The following ZMYND12 variants were observed in gnomAD, a reference collection of about 807,000 sequenced individuals.
The protein encoded by ZMYND12 is zinc finger MYND-type containing 12, also known as zinc finger MYND domain-containing protein 12.
ZMYND12 carries 32 observed loss-of-function variants against 41.7 expected under a neutral mutation model. The observed-to-expected ratio is 0.77, with a 90% CI of 0.58 to 1.03. The LOEUF (loss-of-function observed/expected upper bound fraction) is 1.03. ZMYND12 is among the 50% of genes least tolerant of loss of function. The probability of loss-of-function intolerance (pLI) is 0.00; values close to 1 mark genes in which losing one functional copy is unlikely to be tolerated. For synonymous variants in ZMYND12, 148 were observed against 164.8 expected (o/e 0.90, Z 0.78); for missense variants, 424 against 438.5 (o/e 0.97, Z 0.30).
At chr1:42,431,011 T>A (rs1642843137) in intron 7 of ZMYND12, among the ~76,000 whole-genome samples, 153 bp from the exon 8 acceptor site, 1 of 152,226 alleles carries the variant, frequency 6.6e-6, no homozygotes, top group African/African-American at 2.4e-5. Context: ...GTAAACACAC[T>A]GGGCCCTTAC....
rs113352115 is a variant in ZMYND12, at chr1:42,435,479, T to C, written c.718-94A>G. The C allele has an allele frequency of 1.7e-3, 1,599 of 922,442 alleles. 13 individuals are homozygous for C. In the African/African-American group the frequency reaches 0.022, roughly 13 times the overall value. The allele number at this position is 922,442 out of a possible 1,614,324, so 57.1% of individuals were successfully genotyped here. A position where few individuals can be genotyped will look rare whatever the true frequency, so the allele number is the denominator to read the frequency against. ...AGAGTAGCGCATTTGGCCGGGCTTC[T>C]GGACAACCTGGAGGTTCTCTCTCTT... is the stretch of plus-strand genomic sequence containing the variant. On this transcript the variant is annotated intron_variant, in intron 5 of 7. Coordinates refer to ENST00000372565, the MANE Select transcript of ZMYND12 (RefSeq NM_032257.5).
rs1474557514 is a variant in ZMYND12 at position 42,449,528 on chromosome 1, G to A, written c.252+390C>T. On this transcript the variant is annotated intron_variant, in intron 2 of 7. Transcript: ENST00000372565. ...AAATTGGACACACAAAGAGATACCA[G>A]GCATGCTTGCACACAAAGGACCATG... Among the ~76,000 whole-genome samples the A allele has an allele frequency of 2.6e-5, 4 of 152,296 alleles. No homozygotes were observed. The South Asian group carries it at 8.3e-4, about 32-fold the overall frequency.
chr1:42,449,939 C>T lies in ZMYND12; in HGVS notation c.231G>A (p.Leu77=), dbSNP rs778230593. The change falls in exon 2 of 8, where the codon CTG becomes CTA. Residue 77 remains leucine (L), a synonymous_variant. Transcript: ENST00000372565. ...CTACCTGCCGCTGCTGCAGCTGCTG[C>T]AGGCCATGCTGCCGTTCTTCCTCTG... The part of the protein sequence containing the change: ...YNSEEERQHG[L]QQLQQRQKYL... 38 of 1,612,616 alleles carry T rather than the reference C, an allele frequency of 2.4e-5. No individual in the cohort carries two copies. Among genetic ancestry groups the T allele is most frequent in the Non-Finnish European group, 3.2e-5 (38 of 1,180,026 alleles).
At chr1:42,438,513 AC>A (rs1642930964) in intron 4 of ZMYND12, among the ~76,000 whole-genome samples, 2 of 152,172 alleles carry the variant, frequency 1.3e-5, no homozygotes, top group South Asian at 4.1e-4. Flanking sequence ...ACTGTTCCTG[AC>A]AGATCAGGGG....
At chr1:42,436,309 T>C in intron 5 of ZMYND12, 112 bp downstream of exon 5, 1 of 1,481,168 alleles carries the variant, frequency 6.8e-7, no homozygotes, top group Non-Finnish European at 9.2e-7. Context: ...CCACTTCATC[T>C]CTCTGTGCCT....
At chr1:42,447,688 C>A (rs911695934) in intron 3 of ZMYND12, among the ~76,000 whole-genome samples, 6 of 152,208 alleles carry the variant, frequency 3.9e-5, no homozygotes, top group African/African-American at 1.4e-4. Context: ...GATAAAAGTT[C>A]TTTATATTGT....
rs763181285 is a variant in ZMYND12 at position 42,439,926 on chromosome 1, T to C, written c.524A>G (p.His175Arg). ...DCSNATHSLL[H>R]RNLGLLYIAK... is the part of the protein sequence containing the mutation. ...TATATAGAGAAGTCCCAGATTCCGA[T>C]GCAGTAAAGAGTGGGTGGCATTACT... The change falls in exon 4 of 8, where the codon CAT becomes CGT. Residue 175 changes from histidine to arginine, a missense_variant. By Grantham distance (29) the His-to-Arg change is conservative (BLOSUM62 0). Transcript: ENST00000372565. The C allele has an allele frequency of 3.7e-6, 6 of 1,614,082 alleles. No individual in the cohort carries two copies. In the African/African-American group the frequency reaches 4.0e-5, roughly 11 times the overall value.
At chr1:42,453,159 T>C (rs1643100555) in intron 1 of ZMYND12, among the ~76,000 whole-genome samples, 2 of 151,916 alleles carry the variant, frequency 1.3e-5, no homozygotes, top group South Asian at 4.2e-4. Context: ...TCAAAAAATC[T>C]TGAAATCTGC....
chr1:42,439,769 TA>T (rs1320191014), intron 4 of ZMYND12, 86 bp downstream of exon 4: 5 of 1,379,210 alleles, frequency 3.6e-6, no homozygotes, highest in South Asian at 1.5e-5. Context: ...TGCACAGTTT[TA>T]AAAAAATTAA....
chr1:42,442,566 G>C (rs139209268), intron 3 of ZMYND12, among the ~76,000 whole-genome samples: 2 of 152,104 alleles, frequency 1.3e-5, no homozygotes, highest in Non-Finnish European at 2.9e-5. Flanking sequence ...AAGCCACTAC[G>C]TCAGTGTGCT....
chr1:42,453,580 GA>G (rs1262935388), intron 1 of ZMYND12, among the ~76,000 whole-genome samples: 1 of 152,202 alleles, frequency 6.6e-6, no homozygotes, highest in East Asian at 1.9e-4. Context: ...GAGAGATACA[GA>G]GTACTGTAAA....
chr1:42,444,563 A>C (rs892265943), intron 3 of ZMYND12, among the ~76,000 whole-genome samples: 4 of 152,176 alleles, frequency 2.6e-5, no homozygotes, highest in Non-Finnish European at 5.9e-5. Context: ...AAGACAACTC[A>C]GATTCAACAC....
intron 1 of ZMYND12, among the ~76,000 whole-genome samples, chr1:42,453,894 G>A (rs991213554): frequency 2.0e-5 from 3 of 152,154 alleles, no homozygotes; most frequent in African/African-American, 7.2e-5. Flanking sequence ...TGTCTGGTAT[G>A]TGTGGCCACT....
At chr1:42,435,156 G>A in intron 6 of ZMYND12, 118 bp downstream of exon 6, 1 of 744,258 alleles carries the variant, frequency 1.3e-6, no homozygotes, top group Non-Finnish European at 2.3e-6. Context: ...AGCAACATGG[G>A]GAAGGTGGCA....
chr1:42,442,712 T>C (rs957786887), intron 3 of ZMYND12, among the ~76,000 whole-genome samples: 1 of 152,200 alleles, frequency 6.6e-6, no homozygotes, highest in South Asian at 2.1e-4. Flanking sequence ...GTGTCCTTCC[T>C]GTCAGACCTA....
At chr1:42,444,448 G>A (rs936713774) in intron 3 of ZMYND12, among the ~76,000 whole-genome samples, 2 of 152,192 alleles carry the variant, frequency 1.3e-5, no homozygotes, top group Non-Finnish European at 2.9e-5. Flanking sequence ...ACCAATGACT[G>A]TGAAGTTACA....
intron 4 of ZMYND12, among the ~76,000 whole-genome samples, chr1:42,438,407 G>T (rs1642930218): frequency 2.0e-5 from 3 of 152,172 alleles, no homozygotes; most frequent in Admixed American, 2.0e-4. Flanking sequence ...CCCTACACCT[G>T]AAACAGCAAG....
At chr1:42,441,912 A>G (rs2152315) in intron 3 of ZMYND12, among the ~76,000 whole-genome samples, 59,211 of 152,016 alleles carry the variant, frequency 0.39, 12,027 homozygotes, top group East Asian at 0.59. Context: ...GAGCCACCGC[A>G]CCCGGCCGTA....
chr1:42,435,324 A>C lies in ZMYND12; in HGVS notation c.779T>G (p.Ile260Ser). Reference protein sequence around the residue: ...NHYQVLSQAHIQQMDLLGKLF... With the variant: ...NHYQVLSQAHSQQMDLLGKLF... ...TTTGCCCAGTAAATCCATTTGTTGG[A>C]TGTGAGCCTGTGAGAGGACTTGATA... Residue 260 changes from isoleucine to serine, a missense_variant, in exon 6 of 8, where the codon ATC (isoleucine) becomes AGC (serine). Ile to Ser is a moderately radical substitution (Grantham distance 142, BLOSUM62 -2). Transcript: ENST00000372565. 6.2e-7 allele frequency: 1 copy of C among 1,614,108 alleles called. No homozygotes were observed. Among genetic ancestry groups the C allele is most frequent in the Non-Finnish European group, 8.5e-7 (1 of 1,179,970 alleles).
Sources: gnomAD v4.1 joint callset for allele counts (sites outside exome capture counted in the v4.1 genomes callset) on GRCh38, gnomAD v4.1.1 for gene constraint, MANE v1.5 for transcripts, NCBI Gene and HGNC (gene_info 2026-07-23, HGNC 2026-07-21) for gene names.